ZDHHC14: variants seen among roughly 807,000 people sequenced by gnomAD.
The protein encoded by ZDHHC14 is palmitoyltransferase ZDHHC14.
ZDHHC14 carries 16 observed loss-of-function variants against 47.7 expected under a neutral mutation model. The observed-to-expected ratio is 0.34, with a 90% CI of 0.23 to 0.51. ZDHHC14 has a LOEUF of 0.51. Among genes scored for constraint, ZDHHC14 ranks in the 20% least tolerant of loss-of-function variants. The pLI is 0.97. For missense variants in ZDHHC14, 515 were observed against 662.5 expected, an observed-to-expected ratio of 0.78 and a Z score of 2.44; for synonymous variants, 293 against 278.9, an observed-to-expected ratio of 1.05 and a Z score of -0.50.
At chr6:157,666,862 C>T (rs189900175) in intron 8 of ZDHHC14, among the ~76,000 whole-genome samples, 3 of 152,284 alleles carry the variant, frequency 2.0e-5, no homozygotes, top group Admixed American at 6.5e-5. Context: ...GTATGACTTC[C>T]AGACATCTGA....
intron 1 of ZDHHC14, among the ~76,000 whole-genome samples, chr6:157,420,242 C>A (rs1257364992): frequency 2.1e-5 from 3 of 142,214 alleles, no homozygotes; most frequent in African/African-American, 8.1e-5. Context: ...TGGGCTGAAT[C>A]GAGGCACTGA....
chr6:157,419,734 A>G (rs1778058490), intron 1 of ZDHHC14, among the ~76,000 whole-genome samples: 1 of 152,204 alleles, frequency 6.6e-6, no homozygotes, highest in Admixed American at 6.5e-5. Context: ...GTTGCTTACA[A>G]TTTTTGGCAA....
chr6:157,529,615 C>G (rs996693717), intron 1 of ZDHHC14, among the ~76,000 whole-genome samples: 1 of 152,186 alleles, frequency 6.6e-6, no homozygotes, highest in South Asian at 2.1e-4. Flanking sequence ...CCCAAGACTC[C>G]GAGCTTGTCT....
intron 1 of ZDHHC14, among the ~76,000 whole-genome samples, chr6:157,511,530 G>A (rs1178798520): frequency 6.7e-6 from 1 of 148,182 alleles, no homozygotes; most frequent in African/African-American, 2.5e-5. Flanking sequence ...ACAGGCATGC[G>A]CCACGAAGCC....
chr6:157,647,247 CT>C lies in ZDHHC14; in HGVS notation c.856-8del, dbSNP rs1180257256. The C allele has an allele frequency of 4.4e-6, 7 of 1,605,398 alleles. No homozygotes were observed. The South Asian group carries it at 4.4e-5, about 10-fold the overall frequency. On this transcript the variant is annotated splice_polypyrimidine_tract_variant and intron_variant, in intron 6 of 8. Transcript: ENST00000359775. ...AAGATATTGCTTGTTACTGACTTTC[CT>C]TTTCTTTCAGATTAAAGGATCCTGG...
At chr6:157,454,451 T>C (rs1223574134) in intron 1 of ZDHHC14, among the ~76,000 whole-genome samples, 1 of 151,926 alleles carries the variant, frequency 6.6e-6, no homozygotes, top group East Asian at 1.9e-4. Flanking sequence ...AGAAGAAAAA[T>C]GCAACATAAC....
chr6:157,613,547 G>A (rs746872668), intron 3 of ZDHHC14, among the ~76,000 whole-genome samples: 1 of 152,160 alleles, frequency 6.6e-6, no homozygotes, highest in Non-Finnish European at 1.5e-5. Context: ...ATTTTAGGTT[G>A]TATACCTCCG....
rs537579420 is a variant in ZDHHC14 at position 157,616,914 on chromosome 6, C to T, written c.566-11435C>T. On this transcript the variant is annotated intron_variant, in intron 3 of 8. Transcript: ENST00000359775. ...CCACAAGGACCTCTGATGGGGAGTG[C>T]TGGACCCTGGGGTTCCCTTGGCCCC... 3.5e-4 allele frequency among the ~76,000 whole-genome samples: 54 copies of T among 152,270 alleles called. No individual in the cohort carries two copies. In the East Asian group the frequency reaches 9.1e-3, roughly 26 times the overall value.
At chr6:157,587,254 G>A (rs9355796) in intron 2 of ZDHHC14, among the ~76,000 whole-genome samples, 70,676 of 152,092 alleles carry the variant, frequency 0.46, 17,563 homozygotes, top group African/African-American at 0.64. Context: ...GGCCTCAGTG[G>A]CACCCAGCTG....
intron 5 of ZDHHC14, among the ~76,000 whole-genome samples, chr6:157,644,459 C>T (rs147061488): frequency 1.8e-3 from 281 of 152,356 alleles, no homozygotes; most frequent in African/African-American, 5.9e-3. Context: ...TACCACTCCC[C>T]GCTACCGTCT....
intron 3 of ZDHHC14, among the ~76,000 whole-genome samples, chr6:157,603,213 A>G (rs1784405811): frequency 6.6e-6 from 1 of 152,234 alleles, no homozygotes; most frequent in South Asian, 2.1e-4. Flanking sequence ...ATCCAGAAGC[A>G]CTTATGGAGT....
At chr6:157,592,174 G>T (rs1783933518) in intron 2 of ZDHHC14, among the ~76,000 whole-genome samples, 1 of 151,884 alleles carries the variant, frequency 6.6e-6, no homozygotes, top group Non-Finnish European at 1.5e-5. Context: ...TTCACACCTT[G>T]GGGGAGTTTT....
At chr6:157,592,321 T>C (rs779909729) in intron 2 of ZDHHC14, among the ~76,000 whole-genome samples, 1 of 152,228 alleles carries the variant, frequency 6.6e-6, no homozygotes, top group Non-Finnish European at 1.5e-5. Flanking sequence ...GATGATAAAA[T>C]GTAGAAATGA....
intron 1 of ZDHHC14, among the ~76,000 whole-genome samples, chr6:157,531,695 T>C (rs748538557): frequency 2.4e-4 from 37 of 152,006 alleles, no homozygotes; most frequent in Middle Eastern, 3.4e-3. Context: ...GCAGGTAGTG[T>C]GTATTCAGTG....
Position 157,628,402 on chromosome 6 carries a change from T to A in ZDHHC14, c.619T>A (p.Tyr207Asn). Residue 207 changes from tyrosine (Y) to asparagine (N), a missense_variant, in exon 4 of 9, where the codon TAC becomes AAC. This residue lies in a region of ZDHHC14 where 229 missense variants were observed against 351.5 expected (regional missense o/e 0.65). Coordinates refer to ENST00000359775, the MANE Select transcript of ZDHHC14 (RefSeq NM_024630.3). The part of the protein sequence containing the change: ...WVGNCVGKRN[Y>N]RFFYMFILSL... ...AGGCAACTGTGTGGGGAAAAGAAAC[T>A]ACAGATTTTTTTATATGTTTATTTT... 1 of 1,613,486 alleles carries A rather than the reference T, an allele frequency of 6.2e-7. No individual in the cohort carries two copies. The highest frequency in any genetic ancestry group is 8.5e-7 in the Non-Finnish European group (1 of 1,179,882).
intron 1 of ZDHHC14, among the ~76,000 whole-genome samples, chr6:157,393,173 C>T (rs1293122100): frequency 1.7e-4 from 26 of 152,202 alleles, no homozygotes; most frequent in Non-Finnish European, 1.8e-4. Flanking sequence ...GCCACCGCAC[C>T]CAGCCTATTT....
chr6:157,515,656 G>A (rs189598952), intron 1 of ZDHHC14, among the ~76,000 whole-genome samples: 3 of 151,448 alleles, frequency 2.0e-5, no homozygotes, highest in East Asian at 3.9e-4. Flanking sequence ...TAGTAGAGAC[G>A]GGGTTTCACC....
At chr6:157,400,589 T>C (rs1250741107) in intron 1 of ZDHHC14, among the ~76,000 whole-genome samples, 1 of 152,220 alleles carries the variant, frequency 6.6e-6, no homozygotes, top group Non-Finnish European at 1.5e-5. Flanking sequence ...TTTGATTTCA[T>C]GACCCACAAC....
intron 1 of ZDHHC14, among the ~76,000 whole-genome samples, chr6:157,485,347 A>G (rs241591): frequency 0.76 from 115,687 of 152,096 alleles, 44,432 homozygotes; most frequent in African/African-American, 0.87. Flanking sequence ...GTTTTGTTGG[A>G]GGAAAGGTCT....
Sources: allele counts gnomAD v4.1 joint callset (sites outside exome capture counted in the v4.1 genomes callset), GRCh38; gene constraint gnomAD v4.1.1; regional missense constraint gnomAD v4.1.1; transcripts MANE v1.5; gene names NCBI Gene and HGNC (gene_info 2026-07-23, HGNC 2026-07-21).